MTMR11: variants seen among roughly 807,000 people sequenced by gnomAD.
MTMR11 encodes myotubularin related protein 11.
MTMR11 carries 89 observed loss-of-function variants against 100.0 expected under a neutral mutation model. The observed-to-expected ratio is 0.89, with a 90% CI of 0.75 to 1.06. MTMR11 has a LOEUF of 1.06. MTMR11 is among the 50% of genes least tolerant of loss of function. The pLI is 0.00. For synonymous variants in MTMR11, 336 were observed against 326.3 expected (o/e 1.03, Z -0.32); for missense variants, 809 against 873.7 (o/e 0.93, Z 0.93).
chr1:149,933,255 C>T (rs943509883), intron 10 of MTMR11, 151 bp downstream of exon 10: 25 of 1,178,206 alleles, frequency 2.1e-5, no homozygotes, highest in African/African-American at 4.6e-5. Context: ...CATGCCCAGC[C>T]GAGACTCCGT....
Position 149,931,366 on chromosome 1 carries a change from G to A in MTMR11, c.1184C>T (p.Pro395Leu). 2 of 1,613,878 alleles carry A rather than the reference G, an allele frequency of 1.2e-6. No individual in the cohort carries two copies. The highest frequency in any genetic ancestry group is 1.7e-6 in the Non-Finnish European group (2 of 1,179,942). Residue 395 changes from proline to leucine, a missense_variant, in exon 13 of 17, where the codon CCC (proline) becomes CTC (leucine). Pro to Leu is a moderately conservative substitution (Grantham distance 98). Coordinates refer to ENST00000439741, the MANE Select transcript of MTMR11 (RefSeq NM_001145862.2). Reference sequence around the variant, plus strand: ...GAAGCCAAACAGTGTTCGGGCTTCGGGGGCTGAAAGCAGCTGGACGAGTGA... The same window carrying A: ...GAAGCCAAACAGTGTTCGGGCTTCGAGGGCTGAAAGCAGCTGGACGAGTGA... Reference protein sequence around the residue: ...LSSLVQLLSAPEARTLFGFQS... With the variant: ...LSSLVQLLSALEARTLFGFQS...
In MTMR11 at chr1:149,934,322, C is replaced by T. The variant is rs781943523; in HGVS notation, c.552G>A (p.Gln184=). ...TTGGTGGTTTTCTGGAGCCAGAACCCTGGCCTAGAACAGGAGTGAGACATA... is the reference window on the plus strand; with the variant it reads ...TTGGTGGTTTTCTGGAGCCAGAACCTTGGCCTAGAACAGGAGTGAGACATA... ...YSGITLSKAG[Q]GSGSRKPPIP... Residue 184 remains glutamine, a synonymous_variant, in exon 7 of 17, where the codon CAG becomes CAA. Transcript: ENST00000439741. The T allele has an allele frequency of 6.2e-7, 1 of 1,614,228 alleles. No individual in the cohort carries two copies. The highest frequency in any genetic ancestry group is 1.1e-5 in the South Asian group (1 of 91,084).
In MTMR11 at chr1:149,929,251, G is replaced by C. The variant is rs782147717; in HGVS notation, c.2008C>G (p.Arg670Gly). The change falls in exon 17 of 17, where the codon CGG becomes GGG. Residue 670 changes from arginine (R) to glycine (G), a missense_variant. By Grantham distance (125) the Arg-to-Gly change is moderately radical. Transcript: ENST00000439741. ...GGAGATATTCTTGGTGTCCATTTCC[G>C]TAATAACTCCTGAAGATGGGATAGC... The part of the protein sequence containing the change: ...DELSHLQELL[R>G]KWTPRISPED... 6.2e-7 allele frequency: 1 copy of C among 1,613,918 alleles called. No individual in the cohort carries two copies. The highest frequency in any genetic ancestry group is 8.5e-7 in the Non-Finnish European group (1 of 1,180,014).
At chr1:149,936,495 CTCT>C in intron 1 of MTMR11, 84 bp downstream of exon 1, 4 of 1,264,676 alleles carry the variant, frequency 3.2e-6, no homozygotes, top group Non-Finnish European at 3.3e-6. Flanking sequence ...CCTCCTCCTC[CTCT>C]AGAGCCTTTG....
At chr1:149,933,805 G>T (rs782041435) in intron 8 of MTMR11, 50 bp downstream of exon 8, 1 of 1,606,778 alleles carries the variant, frequency 6.2e-7, no homozygotes, top group Non-Finnish European at 8.5e-7. Flanking sequence ...GATGTCCCTG[G>T]CCCACATGAC....
At chr1:149,935,449 C>T in intron 3 of MTMR11, 90 bp from the exon 4 acceptor site, 1 of 1,581,582 alleles carries the variant, frequency 6.3e-7, no homozygotes, top group Non-Finnish European at 8.6e-7. Context: ...GGCAACAACC[C>T]TAGAGAGAGT....
rs1436458470 is a variant in MTMR11 at position 149,929,368 on chromosome 1, C to T, written c.1942-51G>A. On this transcript the variant is annotated intron_variant, in intron 16 of 16. Transcript: ENST00000439741. The stretch of plus-strand genomic sequence containing the variant: ...AGAAGAATACTGTTGTAGCTCTGGC[C>T]CCCTGCTTCTCTGCTACTTCTGGTG... 4.0e-6 allele frequency: 6 copies of T among 1,498,716 alleles called. No individual in the cohort carries two copies. The African/African-American group carries it at 5.6e-5, about 14-fold the overall frequency. 92.8% of individuals were successfully genotyped at this position (1,498,716 alleles called of 1,614,324 possible).
intron 15 of MTMR11, chr1:149,930,123 T>C: frequency 4.4e-6 from 3 of 685,558 alleles, no homozygotes; most frequent in South Asian, 4.0e-5. Context: ...GGGCACCTTA[T>C]GTGTGCACGA....
Position 149,935,279 on chromosome 1 carries a change from CA to C in MTMR11, c.325+19del, listed in dbSNP as rs149725131. On this transcript the variant is annotated intron_variant, in intron 4 of 16. Transcript: ENST00000439741. ...CAACAACCCCAGTGAACCCCTTCACCAAACCCCCCCCCAACTTACCAGCCTC... is the reference window on the plus strand; with the variant it reads ...CAACAACCCCAGTGAACCCCTTCACCAACCCCCCCCCAACTTACCAGCCTC... The C allele has an allele frequency of 0.067, 107,723 of 1,610,406 alleles. 4,058 individuals are homozygous for C. Among genetic ancestry groups the C allele is most frequent in the African/African-American group, 0.093 (6,882 of 74,286 alleles).
chr1:149,933,763 C>CA (rs2092689718), intron 8 of MTMR11, 65 bp from the exon 9 acceptor site: 2 of 1,610,040 alleles, frequency 1.2e-6, no homozygotes, highest in Admixed American at 3.3e-5. Flanking sequence ...CCCTTGCCCC[C>CA]ACACTGACCT....
chr1:149,936,092 T>C lies in MTMR11; in HGVS notation c.142+62A>G. 1.0e-5 allele frequency: 16 copies of C among 1,535,490 alleles called. No homozygotes were observed. The South Asian group carries it at 1.8e-4, about 17-fold the overall frequency. Reference sequence around the variant, plus strand: ...CACAGGGGTATCTTTGGTGAGGGCATGAAACAAGATTGGCGTAGGATGAAA... The same window carrying C: ...CACAGGGGTATCTTTGGTGAGGGCACGAAACAAGATTGGCGTAGGATGAAA... On this transcript the variant is annotated intron_variant, in intron 2 of 16. Coordinates refer to ENST00000439741, the MANE Select transcript of MTMR11 (RefSeq NM_001145862.2).
rs113759410 is a variant in MTMR11 at position 149,935,366 on chromosome 1, G to A, written c.265-7C>T. ...CACTGTTCAAGGGAGTGTCCTAGAC[G>A]AAACACGTGACTGGGTAGACATCTG... On this transcript the variant is annotated splice_region_variant and splice_polypyrimidine_tract_variant and intron_variant, in intron 3 of 16. Coordinates refer to ENST00000439741, the MANE Select transcript of MTMR11 (RefSeq NM_001145862.2). The A allele has an allele frequency of 0.047, 76,616 of 1,613,154 alleles. 2,136 individuals are homozygous for A. The highest frequency in any genetic ancestry group is 0.053 in the Non-Finnish European group (62,774 of 1,179,374).
At chr1:149,931,882 A>T in intron 12 of MTMR11, 62 bp downstream of exon 12, 5 of 1,451,312 alleles carry the variant, frequency 3.4e-6, no homozygotes, top group Non-Finnish European at 4.8e-6. Flanking sequence ...CCTGAATGCA[A>T]TCTGGTCAGG....
intron 12 of MTMR11, chr1:149,931,692 C>T (rs2092662891): frequency 1.7e-6 from 1 of 577,828 alleles, no homozygotes; most frequent in East Asian, 2.9e-5. Context: ...CACTGCCCTT[C>T]CCACCCCAAC....
chr1:149,930,477 TG>T lies in MTMR11; in HGVS notation c.1534del (p.Gln512SerfsTer58), dbSNP rs1198682745. ...TAAATCCCAGTCCCAGACAGACAGC[TG>T]CAGGTTAAAAGAGTTCCCAGCTGGA... ...QPPAGNSFNL[Q>X]LSVWDWDLRY... On this transcript the variant is annotated frameshift_variant, in exon 15 of 17. Coordinates refer to ENST00000439741, the MANE Select transcript of MTMR11 (RefSeq NM_001145862.2). LOFTEE classifies it high-confidence loss of function. 6.2e-7 allele frequency: 1 copy of T among 1,613,992 alleles called. No individual in the cohort carries two copies. The highest frequency in any genetic ancestry group is 8.5e-7 in the Non-Finnish European group (1 of 1,179,984).
chr1:149,936,070 A>C, intron 2 of MTMR11, 84 bp downstream of exon 2: 1 of 1,410,226 alleles, frequency 7.1e-7, no homozygotes. Flanking sequence ...AGAGGAACAC[A>C]GGGGTATCTT....
At position 149,932,259 on chromosome 1, in the gene MTMR11, A is replaced by G; in HGVS notation, c.1052+5T>C. On this transcript the variant is annotated splice_donor_5th_base_variant and intron_variant, in intron 11 of 16. Coordinates refer to ENST00000439741, the MANE Select transcript of MTMR11 (RefSeq NM_001145862.2). ...AAATGATGGCTAGAAGAAGCGAGGG[A>G]GTACCTGACATAGTCCAGCCATCGT... The G allele has an allele frequency of 1.9e-6, 3 of 1,613,098 alleles. No homozygotes were observed. The highest frequency in any genetic ancestry group is 1.6e-4 in the Middle Eastern group (1 of 6,062).
Position 149,934,204 on chromosome 1 carries a change from C to T in MTMR11, c.670G>A (p.Asp224Asn), listed in dbSNP as rs143590446. 322 of 1,613,996 alleles carry T rather than the reference C, an allele frequency of 2.0e-4. 4 individuals are homozygous for T. In the East Asian group the frequency reaches 5.1e-3, roughly 25 times the overall value. ...CTGGGGGATCACCTGGTGGCTACGT[C>T]GAACCTCTCGTTGACCGTGCTGACC... ...WRVSTVNERF[D>N]VATSLPRYFW... The change falls in exon 7 of 17, where the codon GAC becomes AAC. Residue 224 changes from aspartate to asparagine, a missense_variant. Physicochemically the swap from Asp to Asn is conservative, Grantham distance 23. Transcript: ENST00000439741.
chr1:149,930,221 C>A, intron 15 of MTMR11, 144 bp downstream of exon 15: 1 of 897,888 alleles, frequency 1.1e-6, no homozygotes, highest in East Asian at 2.5e-5. Context: ...TAGGGACACC[C>A]AGGGACTATA....
Sources: gnomAD v4.1 joint callset for allele counts on GRCh38, gnomAD v4.1.1 for gene constraint, MANE v1.5 for transcripts, NCBI Gene and HGNC (gene_info 2026-07-23, HGNC 2026-07-21) for gene names.